KLHDC1: variants seen among roughly 807,000 people sequenced by gnomAD.
The protein encoded by KLHDC1 is kelch domain containing 1.
KLHDC1 carries 53 observed loss-of-function variants against 68.3 expected under a neutral mutation model. The ratio of observed to expected loss-of-function variants is 0.78; its 90% confidence interval spans 0.62 to 0.98. KLHDC1 has a LOEUF of 0.98. Ranked by LOEUF, KLHDC1 falls within the 50% of genes least tolerant of loss-of-function variation. The pLI is 0.00. For synonymous variants in KLHDC1, 148 were observed against 159.0 expected (o/e 0.93, Z 0.52); for missense variants, 470 against 492.3 (o/e 0.95, Z 0.43).
chr14:49,712,196 G>T (rs1022920517), intron 4 of KLHDC1, among the ~76,000 whole-genome samples: 2 of 151,998 alleles, frequency 1.3e-5, no homozygotes, highest in African/African-American at 4.8e-5. Flanking sequence ...GGGATTACAG[G>T]CATGAGCCAC....
At chr14:49,697,988 C>T (rs1368881395) in intron 1 of KLHDC1, among the ~76,000 whole-genome samples, 1 of 152,110 alleles carries the variant, frequency 6.6e-6, no homozygotes, top group Admixed American at 6.6e-5. Context: ...GGTGATTGTG[C>T]TTTATGAGTG....
At chr14:49,726,088 T>C (rs1327074865) in intron 6 of KLHDC1, among the ~76,000 whole-genome samples, 1 of 152,224 alleles carries the variant, frequency 6.6e-6, no homozygotes, top group Non-Finnish European at 1.5e-5. Context: ...CCTCAAGTTA[T>C]CTACCCACCT....
chr14:49,734,586 C>T lies in KLHDC1; in HGVS notation c.824-3C>T, dbSNP rs1306984366. 2 of 1,562,206 alleles carry T rather than the reference C, an allele frequency of 1.3e-6. No individual in the cohort carries two copies. The highest frequency in any genetic ancestry group is 1.8e-5 in the Admixed American group (1 of 57,022). On this transcript the variant is annotated splice_region_variant and splice_polypyrimidine_tract_variant and intron_variant, in intron 9 of 12. Transcript: ENST00000359332. ...TAATTTCTGAACTGTCATGATATTGCAGGTGATGGTTGGATTCATAATGTC... is the reference window on the plus strand; with the variant it reads ...TAATTTCTGAACTGTCATGATATTGTAGGTGATGGTTGGATTCATAATGTC...
chr14:49,694,689 A>G (rs981639823), intron 1 of KLHDC1, among the ~76,000 whole-genome samples: 1 of 152,096 alleles, frequency 6.6e-6, no homozygotes, highest in Non-Finnish European at 1.5e-5. Context: ...CCCCGTCTCT[A>G]CTAAAAACAC....
chr14:49,753,101 T>G lies in KLHDC1; in HGVS notation c.*1329T>G, dbSNP rs1889353111. 1 of 152,162 alleles carries G rather than the reference T, an allele frequency of 6.6e-6. No individual in the cohort carries two copies. Among genetic ancestry groups the G allele is most frequent in the Admixed American group, 6.5e-5 (1 of 15,272 alleles). 9.4% of individuals were successfully genotyped at this position (152,162 alleles called of 1,614,324 possible). A position where few individuals can be genotyped will look rare whatever the true frequency, so the allele number is the denominator to read the frequency against. ...TGTACAAAGTGTATATAATTACTGT[T>G]TTCTTTTTTGTCAGTGTAAAGCAGT... On this transcript the variant is annotated 3_prime_UTR_variant, in exon 13 of 13. Coordinates refer to ENST00000359332, the MANE Select transcript of KLHDC1 (RefSeq NM_172193.3).
At chr14:49,728,060 G>A (rs190819470) in intron 6 of KLHDC1, among the ~76,000 whole-genome samples, 127 of 152,252 alleles carry the variant, frequency 8.3e-4, no homozygotes, top group Non-Finnish European at 1.4e-3. Context: ...AATGGCTCAC[G>A]CCTGTAATCT....
intron 4 of KLHDC1, 59 bp downstream of exon 4, chr14:49,710,440 GC>G (rs1888170023): frequency 2.2e-6 from 2 of 891,098 alleles, no homozygotes; most frequent in East Asian, 4.9e-5. Flanking sequence ...AATAGCTTTG[GC>G]TAAAATACAG....
intron 1 of KLHDC1, among the ~76,000 whole-genome samples, chr14:49,695,657 G>A (rs927221695): frequency 3.3e-5 from 5 of 152,210 alleles, no homozygotes; most frequent in Non-Finnish European, 7.3e-5. Flanking sequence ...TACTACATTA[G>A]CCACTAACAA....
rs1369490140 is a variant in KLHDC1, at chr14:49,740,095, T to C, written c.897-3T>C. ...TCACTCTGTTTATAATTTTCAATCA[T>C]AGGTTATGGCACACAGCCTGTTTGG... On this transcript the variant is annotated splice_polypyrimidine_tract_variant and splice_region_variant and intron_variant, in intron 10 of 12. Coordinates refer to ENST00000359332, the MANE Select transcript of KLHDC1 (RefSeq NM_172193.3). 1.3e-6 allele frequency: 2 copies of C among 1,585,820 alleles called. No individual in the cohort carries two copies. Among genetic ancestry groups the C allele is most frequent in the Admixed American group, 3.4e-5 (2 of 58,778 alleles).
intron 4 of KLHDC1, among the ~76,000 whole-genome samples, chr14:49,723,376 A>C (rs1888585114): frequency 1.3e-5 from 2 of 151,788 alleles, no homozygotes; most frequent in Admixed American, 6.6e-5. Context: ...CTACAAAAAT[A>C]CAAAAATTAG....
At chr14:49,740,355 T>C (rs1247232831) in intron 11 of KLHDC1, among the ~76,000 whole-genome samples, 173 bp downstream of exon 11, 1 of 152,090 alleles carries the variant, frequency 6.6e-6, no homozygotes, top group Non-Finnish European at 1.5e-5. Flanking sequence ...TGTTTGTTTT[T>C]GAGATGGAGT....
At chr14:49,742,361 A>C (rs1431552175) in intron 11 of KLHDC1, among the ~76,000 whole-genome samples, 1 of 152,202 alleles carries the variant, frequency 6.6e-6, no homozygotes, top group Non-Finnish European at 1.5e-5. Flanking sequence ...CCAGATCTTG[A>C]CTTTCAAATT....
At chr14:49,739,047 A>G (rs1889000039) in intron 10 of KLHDC1, among the ~76,000 whole-genome samples, 1 of 152,230 alleles carries the variant, frequency 6.6e-6, no homozygotes, top group African/African-American at 2.4e-5. Flanking sequence ...AATGTAAGTG[A>G]GGCAAGTATA....
Position 49,723,944 on chromosome 14 carries a change from G to A in KLHDC1, c.475G>A (p.Ala159Thr), listed in dbSNP as rs866903862. Residue 159 changes from alanine to threonine, a missense_variant, in exon 5 of 13, where the codon GCA (alanine) becomes ACA (threonine). Ala to Thr is a moderately conservative substitution (Grantham distance 58). Transcript: ENST00000359332. ...CCAAGACTGTTTTGATGTTCATGAT[G>A]CATCTTGGGTAAGATAGTAATCACT... ...ELQDCFDVHD[A>T]SWEEQIFWGW... The A allele has an allele frequency of 1.9e-6, 3 of 1,589,988 alleles. No homozygotes were observed. Among genetic ancestry groups the A allele is most frequent in the Non-Finnish European group, 2.6e-6 (3 of 1,160,674 alleles).
Position 49,709,170 on chromosome 14 carries a change from CAATG to C in KLHDC1, c.111_114del (p.Asn37LysfsTer99), listed in dbSNP as rs1390592319. 1 of 1,321,186 alleles carries C rather than the reference CAATG, an allele frequency of 7.6e-7. No homozygotes were observed. Among genetic ancestry groups the C allele is most frequent in the East Asian group, 2.4e-5 (1 of 41,554 alleles). The allele number at this position is 1,321,186 out of a possible 1,614,324, so 81.8% of individuals were successfully genotyped here. On this transcript the variant is annotated frameshift_variant, in exon 2 of 13. Coordinates refer to ENST00000359332, the MANE Select transcript of KLHDC1 (RefSeq NM_172193.3). LOFTEE classifies it high-confidence loss of function. ...TTCTGTATTTTTAGTCTATTGAAGA[CAATG>C]AAGTATATTTGCCTAATGATGAAAT...
At chr14:49,742,914 G>A (rs757556298) in intron 11 of KLHDC1, among the ~76,000 whole-genome samples, 38 of 151,632 alleles carry the variant, frequency 2.5e-4, no homozygotes, top group Non-Finnish European at 4.4e-4. Flanking sequence ...GTGAAACCCT[G>A]TCTCTACACC....
At chr14:49,699,861 T>G (rs1383740497) in intron 1 of KLHDC1, among the ~76,000 whole-genome samples, 2 of 152,192 alleles carry the variant, frequency 1.3e-5, no homozygotes, top group Admixed American at 6.5e-5. Context: ...CACACAGACT[T>G]TGGTGCTACT....
intron 1 of KLHDC1, among the ~76,000 whole-genome samples, chr14:49,698,846 A>T (rs986595678): frequency 3.3e-5 from 5 of 151,274 alleles, no homozygotes; most frequent in Non-Finnish European, 5.9e-5. Context: ...ATCTCGTTTT[A>T]TTCTTGAAAA....
At chr14:49,722,753 A>AT (rs979080549) in intron 4 of KLHDC1, among the ~76,000 whole-genome samples, 1 of 151,774 alleles carries the variant, frequency 6.6e-6, no homozygotes, top group African/African-American at 2.4e-5. Context: ...ATGGCAACAG[A>AT]TAAGAGAAGA....
Sources: allele counts gnomAD v4.1 joint callset (sites outside exome capture counted in the v4.1 genomes callset), GRCh38; gene constraint gnomAD v4.1.1; transcripts MANE v1.5; gene names NCBI Gene and HGNC (gene_info 2026-07-23, HGNC 2026-07-21).